The following ATP13A5 variants were observed in gnomAD, a reference collection of about 807,000 sequenced individuals.
ATP13A5 encodes the protein probable cation-transporting ATPase 13A5.
In ATP13A5, 149 loss-of-function variants were observed where a neutral mutation model predicts 150.2. The observed-to-expected ratio is 0.99, with a 90% CI of 0.87 to 1.14. The LOEUF (loss-of-function observed/expected upper bound fraction) is 1.14, where lower values mean the gene tolerates loss of function less well. ATP13A5 is among the 50% of genes most tolerant of loss of function. The probability of loss-of-function intolerance (pLI) is 0.00; values close to 1 mark genes in which losing one functional copy is unlikely to be tolerated. For synonymous variants in ATP13A5, 497 were observed against 522.2 expected (o/e 0.95, Z 0.66); for missense variants, 1,383 against 1,449.3 (o/e 0.95, Z 0.74).
chr3:193,338,142 T>C (rs1366709703), intron 9 of ATP13A5, among the ~76,000 whole-genome samples: 2 of 152,206 alleles, frequency 1.3e-5, no homozygotes, highest in Non-Finnish European at 2.9e-5. Flanking sequence ...GCTGAGACGA[T>C]GGGGTTTTCT....
intron 7 of ATP13A5, 41 bp from the exon 8 acceptor site, chr3:193,345,116 T>C (rs753117721): frequency 1.3e-6 from 2 of 1,578,078 alleles, no homozygotes; most frequent in Admixed American, 1.7e-5. Context: ...AGATAGTTCA[T>C]GTTCTGAAAA....
At chr3:193,303,586 C>T (rs556660265) in intron 23 of ATP13A5, among the ~76,000 whole-genome samples, 1 of 151,850 alleles carries the variant, frequency 6.6e-6, no homozygotes, top group East Asian at 1.9e-4. Flanking sequence ...GATATTTCTC[C>T]TTTAAAAAAA....
intron 27 of ATP13A5, chr3:193,281,071 G>A (rs1717472806): frequency 2.5e-6 from 1 of 400,644 alleles, no homozygotes; most frequent in South Asian, 1.0e-4. Context: ...AGAAGTGCTT[G>A]GGAAGGGTAT....
rs112608028 is a variant in ATP13A5 at position 193,278,447 on chromosome 3, C to T, written c.3315+919G>A. On this transcript the variant is annotated intron_variant, in intron 28 of 29. Coordinates refer to ENST00000342358, the MANE Select transcript of ATP13A5 (RefSeq NM_198505.4). ...ATTATTCATTCTTGTTCATACTCCACAGCACATGGCCTCAGTTTTAGCCAG... is the reference window on the plus strand; with the variant it reads ...ATTATTCATTCTTGTTCATACTCCATAGCACATGGCCTCAGTTTTAGCCAG... 2.8e-3 allele frequency among the ~76,000 whole-genome samples: 426 copies of T among 152,306 alleles called. 3 individuals are homozygous for T. The Middle Eastern group carries it at 0.044, about 16-fold the overall frequency.
chr3:193,352,229 C>T (rs1712591155), intron 6 of ATP13A5, among the ~76,000 whole-genome samples: 1 of 152,056 alleles, frequency 6.6e-6, no homozygotes, highest in South Asian at 2.1e-4. Context: ...ATATTTTGTC[C>T]ATTAAAAAAG....
chr3:193,312,064 T>A lies in ATP13A5; in HGVS notation c.2320-123A>T, dbSNP rs1577342634. Reference sequence around the variant, plus strand: ...TGTGAAGGTCAGCAACAAAATAATGTGTAATTTGCCTATAGCAGTTCTACC... The same window carrying A: ...TGTGAAGGTCAGCAACAAAATAATGAGTAATTTGCCTATAGCAGTTCTACC... On this transcript the variant is annotated intron_variant, in intron 19 of 29. Coordinates refer to ENST00000342358, the MANE Select transcript of ATP13A5 (RefSeq NM_198505.4). 4.7e-6 allele frequency: 6 copies of A among 1,279,690 alleles called. No individual in the cohort carries two copies. The East Asian group carries it at 1.4e-4, about 30-fold the overall frequency. 79.3% of individuals were successfully genotyped at this position (1,279,690 alleles called of 1,614,324 possible). A position where few individuals can be genotyped will look rare whatever the true frequency, so the allele number is the denominator to read the frequency against.
In ATP13A5 at chr3:193,278,780, A is replaced by G. The variant is rs1717343989; in HGVS notation, c.3315+586T>C. On this transcript the variant is annotated intron_variant, in intron 28 of 29. Coordinates refer to ENST00000342358, the MANE Select transcript of ATP13A5 (RefSeq NM_198505.4). ...TATGGATAGCCTCAGGTAGCGTTCA[A>G]GTATGTCTCATCTTCACAACAAATC... Among the ~76,000 whole-genome samples the G allele has an allele frequency of 4.6e-5, 7 of 152,174 alleles. No homozygotes were observed. In the South Asian group the frequency reaches 1.5e-3, roughly 32 times the overall value.
At chr3:193,282,937 G>A (rs1257257120) in intron 27 of ATP13A5, among the ~76,000 whole-genome samples, 1 of 152,014 alleles carries the variant, frequency 6.6e-6, no homozygotes, top group African/African-American at 2.4e-5. Context: ...TTTAAAATGA[G>A]GAATAATGAG....
chr3:193,321,076 A>G (rs1719257055), intron 16 of ATP13A5, among the ~76,000 whole-genome samples: 1 of 151,330 alleles, frequency 6.6e-6, no homozygotes, highest in Non-Finnish European at 1.5e-5. Context: ...CCTCATTCAC[A>G]CCTCCCCTAG....
intron 1 of ATP13A5, among the ~76,000 whole-genome samples, chr3:193,374,353 T>C (rs1002882866): frequency 1.4e-5 from 2 of 143,974 alleles, no homozygotes; most frequent in African/African-American, 5.2e-5. Flanking sequence ...GGAAATAAGG[T>C]GCATTGTGGC....
At position 193,289,857 on chromosome 3, in the gene ATP13A5, G is replaced by A. The variant is rs377147082; in HGVS notation, c.3023+28C>T. On this transcript the variant is annotated intron_variant, in intron 26 of 29. Coordinates refer to ENST00000342358, the MANE Select transcript of ATP13A5 (RefSeq NM_198505.4). Reference sequence around the variant, plus strand: ...TTGGATATTTATTAAATTACCTTTCGAAAGCAGCACTAAGAAAATGAACTT... The same window carrying A: ...TTGGATATTTATTAAATTACCTTTCAAAAGCAGCACTAAGAAAATGAACTT... 1.6e-4 allele frequency: 252 copies of A among 1,536,290 alleles called. 1 individual carries two copies. Among genetic ancestry groups the A allele is most frequent in the Middle Eastern group, 5.2e-4 (3 of 5,772 alleles).
chr3:193,364,311 T>C, intron 1 of ATP13A5, 31 bp from the exon 2 acceptor site: 1 of 1,596,834 alleles, frequency 6.3e-7, no homozygotes, highest in South Asian at 1.1e-5. Flanking sequence ...ATCGCTCTAT[T>C]TTTCTTTTCT....
chr3:193,307,288 A>G (rs546378308), intron 22 of ATP13A5, 39 bp downstream of exon 22: 1 of 1,613,462 alleles, frequency 6.2e-7, no homozygotes, highest in South Asian at 1.1e-5. Flanking sequence ...GAGGGATATT[A>G]GTGAGTGGCT....
chr3:193,280,938 C>T (rs184359295), intron 27 of ATP13A5, among the ~76,000 whole-genome samples: 3 of 152,132 alleles, frequency 2.0e-5, no homozygotes, highest in African/African-American at 4.8e-5. Flanking sequence ...GGCAACTGCC[C>T]CTTGATAGCA....
intron 21 of ATP13A5, among the ~76,000 whole-genome samples, chr3:193,310,070 G>A (rs919074915): frequency 3.9e-5 from 6 of 152,064 alleles, no homozygotes; most frequent in Non-Finnish European, 7.4e-5. Flanking sequence ...TCTTCTTTGT[G>A]TCCATGTGTT....
intron 5 of ATP13A5, among the ~76,000 whole-genome samples, chr3:193,361,696 T>G (rs1713010743): frequency 6.6e-6 from 1 of 152,186 alleles, no homozygotes; most frequent in South Asian, 2.1e-4. Context: ...GAGTTAATAA[T>G]AGCATAAGCA....
chr3:193,313,928 G>A, intron 19 of ATP13A5, 105 bp downstream of exon 19: 1 of 1,283,494 alleles, frequency 7.8e-7, no homozygotes, highest in South Asian at 1.4e-5. Flanking sequence ...CAGATGTGAG[G>A]GATTATTACT....
chr3:193,363,723 G>C (rs1713129227), intron 2 of ATP13A5, among the ~76,000 whole-genome samples: 1 of 152,144 alleles, frequency 6.6e-6, no homozygotes, highest in African/African-American at 2.4e-5. Context: ...GTGACATCTA[G>C]GTGCTTAAAA....
Position 193,277,050 on chromosome 3 carries a change from C to T in ATP13A5, c.3316-220G>A, listed in dbSNP as rs1717250159. Among the ~76,000 whole-genome samples, 3 of 152,050 alleles carry T rather than the reference C, an allele frequency of 2.0e-5. No individual in the cohort carries two copies. In the South Asian group the frequency reaches 6.2e-4, roughly 32 times the overall value. On this transcript the variant is annotated intron_variant, in intron 28 of 29. Coordinates refer to ENST00000342358, the MANE Select transcript of ATP13A5 (RefSeq NM_198505.4). ...AATGGACTACCTCTTGGCCTGTGTACCTTTGACAGCCTCATGGTGCCTACT... is the reference window on the plus strand; with the variant it reads ...AATGGACTACCTCTTGGCCTGTGTATCTTTGACAGCCTCATGGTGCCTACT...
Sources: allele counts gnomAD v4.1 joint callset (sites outside exome capture counted in the v4.1 genomes callset), GRCh38; gene constraint gnomAD v4.1.1; transcripts MANE v1.5; gene names NCBI Gene and HGNC (gene_info 2026-07-23, HGNC 2026-07-21).